TSPAN14: variants seen among roughly 807,000 people sequenced by gnomAD.
The protein encoded by TSPAN14 is tetraspanin-14.
In TSPAN14, 16 loss-of-function variants were observed where a neutral mutation model predicts 36.6. The observed-to-expected ratio is 0.44, with a 90% CI of 0.30 to 0.66. TSPAN14 has a LOEUF of 0.66. Ranked by LOEUF, TSPAN14 falls within the 30% of genes least tolerant of loss-of-function variation. The pLI, the probability that TSPAN14 is intolerant of heterozygous loss-of-function variation, is 0.12. For missense variants in TSPAN14, 231 were observed against 355.1 expected, an observed-to-expected ratio of 0.65 and a Z score of 2.81; for synonymous variants, 139 against 143.8, an observed-to-expected ratio of 0.97 and a Z score of 0.24.
intron 4 of TSPAN14, among the ~76,000 whole-genome samples, chr10:80,508,727 C>T (rs973796754): frequency 3.3e-5 from 5 of 152,146 alleles, no homozygotes; most frequent in Admixed American, 2.6e-4. Context: ...ACTCACATGT[C>T]CTGCATGAAC....
chr10:80,494,949 A>G (rs997974070), intron 2 of TSPAN14, among the ~76,000 whole-genome samples: 5 of 152,208 alleles, frequency 3.3e-5, no homozygotes, highest in African/African-American at 1.2e-4. Context: ...GCAGGCACAC[A>G]GTTTCATATC....
At chr10:80,496,057 A>T (rs1276085399) in intron 2 of TSPAN14, among the ~76,000 whole-genome samples, 1 of 152,106 alleles carries the variant, frequency 6.6e-6, no homozygotes, top group Non-Finnish European at 1.5e-5. Context: ...ATTACTTTTT[A>T]AAAATCTTTT....
intron 1 of TSPAN14, among the ~76,000 whole-genome samples, chr10:80,477,133 T>C (rs1846962896): frequency 6.6e-6 from 1 of 152,248 alleles, no homozygotes; most frequent in Non-Finnish European, 1.5e-5. Context: ...CTGCTGCTGC[T>C]TCTCTGCCTT....
At chr10:80,520,115 G>C (rs997548408) in exon 9 of TSPAN14, 2 of 160,898 alleles carry the variant, frequency 1.2e-5, no homozygotes, top group African/African-American at 4.8e-5. Context: ...GGGGTTGGTG[G>C]CAGTGCCCAC....
chr10:80,501,720 T>C (rs1848534996), intron 2 of TSPAN14, among the ~76,000 whole-genome samples: 1 of 152,176 alleles, frequency 6.6e-6, no homozygotes, highest in African/African-American at 2.4e-5. Flanking sequence ...GCTTGACCCA[T>C]GCACCTGGGC....
chr10:80,460,925 C>T (rs1489432360), intron 1 of TSPAN14, among the ~76,000 whole-genome samples: 1 of 152,112 alleles, frequency 6.6e-6, no homozygotes, highest in Non-Finnish European at 1.5e-5. Context: ...ATTGACTGTC[C>T]CATTTGTCTG....
At chr10:80,487,537 G>A (rs1211714765) in intron 1 of TSPAN14, among the ~76,000 whole-genome samples, 1 of 152,136 alleles carries the variant, frequency 6.6e-6, no homozygotes, top group Non-Finnish European at 1.5e-5. Context: ...ACTTGCATGG[G>A]CTGAGGTCAT....
intron 2 of TSPAN14, among the ~76,000 whole-genome samples, chr10:80,501,103 C>T (rs1335988144): frequency 1.7e-5 from 2 of 119,414 alleles, no homozygotes; most frequent in Non-Finnish European, 3.3e-5. Context: ...GGAACTGACG[C>T]TGTTTTTTTT....
At chr10:80,522,613 AAACAT>A (rs1450143201) in exon 9 of TSPAN14, 1 of 152,260 alleles carries the variant, frequency 6.6e-6, no homozygotes, top group African/African-American at 2.4e-5. Flanking sequence ...ATAAAAATCT[AAACAT>A]AAGAGAATGT....
chr10:80,466,811 A>G (rs1195645366), intron 1 of TSPAN14, among the ~76,000 whole-genome samples: 1 of 152,190 alleles, frequency 6.6e-6, no homozygotes, highest in Admixed American at 6.5e-5. Flanking sequence ...TGTTTTATAC[A>G]TTTTAAGGAG....
At chr10:80,497,098 A>T (rs527400010) in intron 2 of TSPAN14, among the ~76,000 whole-genome samples, 1 of 152,302 alleles carries the variant, frequency 6.6e-6, no homozygotes, top group South Asian at 2.1e-4. Context: ...CATATGTGAG[A>T]TTCATTCATG....
chr10:80,511,736 CT>C (rs1840648844), intron 5 of TSPAN14, among the ~76,000 whole-genome samples: 1 of 132,442 alleles, frequency 7.6e-6, no homozygotes, highest in Admixed American at 7.6e-5. Flanking sequence ...CTCTCTCTCT[CT>C]CTCTCTCTCT....
chr10:80,457,515 A>G (rs906643653), intron 1 of TSPAN14, among the ~76,000 whole-genome samples: 3 of 152,192 alleles, frequency 2.0e-5, no homozygotes, highest in East Asian at 1.9e-4. Context: ...AATTTAGACA[A>G]TATGTTCCTC....
intron 1 of TSPAN14, among the ~76,000 whole-genome samples, chr10:80,469,749 G>T (rs1392119907): frequency 6.6e-6 from 1 of 152,060 alleles, no homozygotes; most frequent in Non-Finnish European, 1.5e-5. Context: ...TGGCTTCTTT[G>T]GAAAGGATTT....
chr10:80,498,121 T>C (rs111345234), intron 2 of TSPAN14, among the ~76,000 whole-genome samples: 111 of 152,348 alleles, frequency 7.3e-4, no homozygotes, highest in Non-Finnish European at 1.5e-3. Context: ...GTCTGGGGTC[T>C]GCACCCTCTG....
Position 80,485,760 on chromosome 10 carries a change from G to A in TSPAN14, c.-17-3457G>A, listed in dbSNP as rs1054832309. The A allele has an allele frequency of 5.7e-5, 48 of 846,214 alleles. No individual in the cohort carries two copies. In the African/African-American group the frequency reaches 8.5e-4, roughly 15 times the overall value. The allele number at this position is 846,214 out of a possible 1,614,324, so 52.4% of individuals were successfully genotyped here. A position where few individuals can be genotyped will look rare whatever the true frequency, so the allele number is the denominator to read the frequency against. On this transcript the variant is annotated intron_variant, in intron 1 of 8. Coordinates refer to ENST00000429989, the Ensembl canonical transcript of TSPAN14. ...GGTGGCAGGGGTGGGAAAGCGGGGA[G>A]CGGAGAAGGAAAACTGAAATGTTTC...
exon 1 of TSPAN14, chr10:80,454,353 C>G (rs916339730): frequency 1.3e-5 from 2 of 152,420 alleles, no homozygotes; most frequent in African/African-American, 4.8e-5. Flanking sequence ...CGCGCCGCCG[C>G]TGCCGCCGCC....
At position 80,509,605 on chromosome 10, in the gene TSPAN14, G is replaced by A. The variant is rs945470017; in HGVS notation, c.450+134G>A. On this transcript the variant is annotated intron_variant, in intron 5 of 8. Coordinates refer to ENST00000429989, the Ensembl canonical transcript of TSPAN14. This position sits in a 1 kb window ranked among gnomAD's most constrained non-coding sequence, Gnocchi z 4.7. Reference sequence around the variant, plus strand: ...CTTGGCAGACAGCAGGGAGGCCGTGGAACAAGCCACTCCACCTCTGGTCTG... The same window carrying A: ...CTTGGCAGACAGCAGGGAGGCCGTGAAACAAGCCACTCCACCTCTGGTCTG... 2.2e-6 allele frequency: 2 copies of A among 904,678 alleles called. No homozygotes were observed. Among genetic ancestry groups the A allele is most frequent in the Non-Finnish European group, 1.6e-6 (1 of 609,878 alleles). 56.0% of individuals were successfully genotyped at this position (904,678 alleles called of 1,614,324 possible).
intron 1 of TSPAN14, among the ~76,000 whole-genome samples, chr10:80,474,066 T>TAG (rs1272362258): frequency 6.6e-6 from 1 of 152,128 alleles, no homozygotes; most frequent in Non-Finnish European, 1.5e-5. Context: ...TAGTGGGCTC[T>TAG]AGAGACCCCC....
Sources: allele counts gnomAD v4.1 joint callset (sites outside exome capture counted in the v4.1 genomes callset), GRCh38; gene constraint gnomAD v4.1.1; non-coding constraint Gnocchi (gnomAD v3.1); transcripts MANE v1.5; gene names NCBI Gene and HGNC (gene_info 2026-07-23, HGNC 2026-07-21).